The following SHISAL1 variants were observed in gnomAD, a reference collection of about 807,000 sequenced individuals.
The protein encoded by SHISAL1 is shisa like 1.
Under a neutral mutation model 22.6 loss-of-function variants are expected in SHISAL1, and 9 were observed. That is an observed-to-expected ratio of 0.40 (90% CI 0.24 to 0.70). SHISAL1 has a LOEUF of 0.70. SHISAL1 is among the 30% of genes least tolerant of loss of function. The pLI, the probability that SHISAL1 is intolerant of heterozygous loss-of-function variation, is 0.39. For missense variants in SHISAL1, 246 were observed against 270.6 expected (o/e 0.91, Z 0.64); for synonymous variants, 119 against 115.4 (o/e 1.03, Z -0.20).
At chr22:44,308,139 C>T (rs1393011959) in intron 1 of SHISAL1, among the ~76,000 whole-genome samples, 1 of 152,186 alleles carries the variant, frequency 6.6e-6, no homozygotes, top group Non-Finnish European at 1.5e-5. Context: ...TGGGGTGACA[C>T]CTGAGCCTCA....
chr22:44,273,854 A>G (rs1201250438), intron 4 of SHISAL1, among the ~76,000 whole-genome samples: 1 of 152,178 alleles, frequency 6.6e-6, no homozygotes, highest in Non-Finnish European at 1.5e-5. Flanking sequence ...CAAATGGGCA[A>G]CTCACAAGAG....
At chr22:44,285,357 G>A (rs2055305349) in intron 4 of SHISAL1, 71 bp downstream of exon 4, 2 of 1,475,834 alleles carry the variant, frequency 1.4e-6, no homozygotes, top group South Asian at 2.4e-5. Flanking sequence ...TGGCGAGAGT[G>A]ATGGCGTATT....
chr22:44,304,321 C>T (rs1200321615), intron 1 of SHISAL1, among the ~76,000 whole-genome samples: 2 of 152,266 alleles, frequency 1.3e-5, no homozygotes, highest in African/African-American at 4.8e-5. Context: ...GCACAGTGCT[C>T]ATGGCCTGGC....
chr22:44,258,374 C>T (rs1219269322), intron 4 of SHISAL1, among the ~76,000 whole-genome samples: 1 of 152,178 alleles, frequency 6.6e-6, no homozygotes, highest in South Asian at 2.1e-4. Flanking sequence ...CACAGCTAAA[C>T]GTGTGTCATG....
chr22:44,296,631 G>A (rs748652963), intron 3 of SHISAL1, 41 bp downstream of exon 3: 2 of 1,589,330 alleles, frequency 1.3e-6, no homozygotes, highest in Admixed American at 1.7e-5. Context: ...CCTTGCCTGG[G>A]GCCCGAGGCA....
chr22:44,318,382 G>T, the SHISAL1 span, among the ~76,000 whole-genome samples: 1 of 152,252 alleles, frequency 6.6e-6, no homozygotes, highest in Non-Finnish European at 1.5e-5. Context: ...TTATGAAAGT[G>T]CTTTGTCAGC....
intron 4 of SHISAL1, among the ~76,000 whole-genome samples, chr22:44,269,605 CCA>C (rs201478766): frequency 0.022 from 3,250 of 149,686 alleles, 225 homozygotes; most frequent in East Asian, 0.15. Flanking sequence ...CACACACACG[CCA>C]CACAGACCCA....
intron 1 of SHISAL1, among the ~76,000 whole-genome samples, chr22:44,306,434 CA>C (rs1328232130): frequency 1.4e-5 from 2 of 138,516 alleles, no homozygotes; most frequent in African/African-American, 5.3e-5. Context: ...GACCTGGGCT[CA>C]GGGGGCTGTG....
chr22:44,252,117 CAG>C (rs1294259104), intron 4 of SHISAL1, among the ~76,000 whole-genome samples: 1 of 152,044 alleles, frequency 6.6e-6, no homozygotes, highest in Admixed American at 6.6e-5. Context: ...TGAAACAAAA[CAG>C]AGAACTGGCA....
chr22:44,300,596 T>C (rs1223593652), intron 2 of SHISAL1, among the ~76,000 whole-genome samples: 7 of 152,104 alleles, frequency 4.6e-5, no homozygotes, highest in Non-Finnish European at 1.5e-5. Flanking sequence ...GGAGAGAATG[T>C]GAGTCAGGGC....
At position 44,285,435 on chromosome 22, in the gene SHISAL1, A is replaced by G. The variant is rs756265643; in HGVS notation, c.592T>C (p.Ser198Pro). Residue 198 changes from serine to proline, a missense_variant, in exon 4 of 5, where the codon TCT (serine) becomes CCT (proline). This residue lies in a region of SHISAL1 where 136 missense variants were observed against 117.5 expected (regional missense o/e 1.16). Transcript: ENST00000381176. ...TCAATTGTAGCCACTCACCAGGCAG[A>G]CGAACTCTGGAAGGTCATCAGCGGT... is the stretch of plus-strand genomic sequence containing the variant. The part of the protein sequence containing the change: ...SPPLMTFQSS[S>P]A The G allele has an allele frequency of 2.4e-5, 39 of 1,613,930 alleles. No individual in the cohort carries two copies. Among genetic ancestry groups the G allele is most frequent in the Non-Finnish European group, 2.8e-5 (33 of 1,179,930 alleles).
At chr22:44,260,856 A>G (rs1023805038) in intron 4 of SHISAL1, among the ~76,000 whole-genome samples, 10 of 152,008 alleles carry the variant, frequency 6.6e-5, no homozygotes, top group Non-Finnish European at 1.3e-4. Flanking sequence ...TTGCCCCTGC[A>G]TGGCAGTCTT....
intron 4 of SHISAL1, among the ~76,000 whole-genome samples, chr22:44,274,265 T>TGAGACTCC: frequency 6.6e-6 from 1 of 152,070 alleles, no homozygotes; most frequent in East Asian, 1.9e-4. Flanking sequence ...ATGCAAACTG[T>TGAGACTCC]ATAGAAATAG....
intron 4 of SHISAL1, among the ~76,000 whole-genome samples, chr22:44,257,916 C>T (rs1338720777): frequency 3.3e-5 from 5 of 152,106 alleles, no homozygotes; most frequent in Non-Finnish European, 7.4e-5. Flanking sequence ...CCGAGGTGGG[C>T]GGATCACCAG....
intron 1 of SHISAL1, among the ~76,000 whole-genome samples, chr22:44,311,704 C>G (rs1011124750): frequency 6.6e-6 from 1 of 152,206 alleles, no homozygotes; most frequent in African/African-American, 2.4e-5. Context: ...AAACCCCAAC[C>G]CTGCTGAAGG....
In SHISAL1 at chr22:44,249,517, T is replaced by A; in HGVS notation, c.*168A>T. The stretch of plus-strand genomic sequence containing the variant: ...CCCCTACCCCTGAGTTTGCTCCTAA[T>A]CTTAGAAGTCCGCGGAAGGGGGCTT... On this transcript the variant is annotated 3_prime_UTR_variant, in exon 5 of 5. Transcript: ENST00000381176. 32 of 488,504 alleles carry A rather than the reference T, an allele frequency of 6.6e-5. No homozygotes were observed. The highest frequency in any genetic ancestry group is 9.5e-5 in the Non-Finnish European group (24 of 253,798). 30.3% of individuals were successfully genotyped at this position (488,504 alleles called of 1,614,324 possible). A position where few individuals can be genotyped will look rare whatever the true frequency, so the allele number is the denominator to read the frequency against.
chr22:44,257,238 A>G (rs553309565), intron 4 of SHISAL1, among the ~76,000 whole-genome samples: 3 of 152,240 alleles, frequency 2.0e-5, no homozygotes, highest in Non-Finnish European at 4.4e-5. Flanking sequence ...TCACAAGGGC[A>G]ACATAGGTAC....
rs1328841310 is a variant in SHISAL1 at position 44,278,964 on chromosome 22, TTGTCCAGGGCAGGCTCTCATCACCATCAC to T, written c.599+6435_599+6463del. On this transcript the variant is annotated intron_variant, in intron 4 of 4. Coordinates refer to ENST00000381176, the MANE Select transcript of SHISAL1 (RefSeq NM_001099294.2). Reference sequence around the variant, plus strand: ...CCCTCGGGACCTCTCATCACCATCATTGTCCAGGGCAGGCTCTCATCACCATCACTGTCCAGGGCAGGCACTGAGACTAG... The same window carrying T: ...CCCTCGGGACCTCTCATCACCATCATTGTCCAGGGCAGGCACTGAGACTAG... Among the ~76,000 whole-genome samples the T allele has an allele frequency of 8.6e-5, 13 of 152,008 alleles. 1 individual carries two copies. Among genetic ancestry groups the T allele is most frequent in the Admixed American group, 6.6e-4 (10 of 15,264 alleles).
upstream of SHISAL1, among the ~76,000 whole-genome samples, chr22:44,317,744 C>CT (rs1465771032): frequency 1.3e-5 from 2 of 152,242 alleles, no homozygotes; most frequent in African/African-American, 2.4e-5. Context: ...GAACCCAGAA[C>CT]TGTGTCCGCT....
Sources: gnomAD v4.1 joint callset for allele counts (sites outside exome capture counted in the v4.1 genomes callset) on GRCh38, gnomAD v4.1.1 for gene constraint, gnomAD v4.1.1 regional missense constraint, MANE v1.5 for transcripts, NCBI Gene and HGNC (gene_info 2026-07-23, HGNC 2026-07-21) for gene names.